Variants in ELL observed in about 807,000 individuals in gnomAD.
ELL encodes the protein elongation factor for RNA polymerase II, also known as RNA polymerase II elongation factor ELL.
In ELL, 18 loss-of-function variants were observed where a neutral mutation model predicts 64.0. That is an observed-to-expected ratio of 0.28 (90% CI 0.19 to 0.42). The LOEUF (loss-of-function observed/expected upper bound fraction) is 0.42, where lower values mean the gene tolerates loss of function less well. Ranked by LOEUF, ELL falls within the 10% of genes least tolerant of loss-of-function variation. ELL has a pLI of 1.00. For synonymous variants in ELL, 399 were observed against 376.2 expected (o/e 1.06, Z -0.70); for missense variants, 797 against 870.4 (o/e 0.92, Z 1.06).
At chr19:18,500,384 T>C (rs1341143016) in intron 1 of ELL, among the ~76,000 whole-genome samples, 2 of 152,184 alleles carry the variant, frequency 1.3e-5, no homozygotes, top group East Asian at 1.9e-4. Context: ...TGAACCCCAC[T>C]GGGCTGTACC....
chr19:18,514,843 T>C (rs547015806), intron 1 of ELL, among the ~76,000 whole-genome samples: 2 of 152,368 alleles, frequency 1.3e-5, no homozygotes, highest in African/African-American at 4.8e-5. Context: ...TAAACAAGGC[T>C]GATGCCCCCT....
intron 4 of ELL, among the ~76,000 whole-genome samples, chr19:18,462,484 A>G (rs1465974157): frequency 6.6e-6 from 1 of 151,666 alleles, no homozygotes; most frequent in African/African-American, 2.4e-5. Context: ...TCTGGGCTCA[A>G]GCGATCCTCC....
chr19:18,458,436 A>G, intron 5 of ELL, 107 bp from the exon 6 acceptor site: 1 of 1,491,300 alleles, frequency 6.7e-7, no homozygotes, highest in East Asian at 2.3e-5. Context: ...AGACAGTGGG[A>G]GACAGACAGA....
Position 18,451,098 on chromosome 19 carries a change from C to T in ELL, c.967-123G>A, listed in dbSNP as rs374846370. On this transcript the variant is annotated intron_variant, in intron 7 of 11. Coordinates refer to ENST00000262809, the MANE Select transcript of ELL (RefSeq NM_006532.4). ...AAGGCCCACGCTGGCCACATGGGGG[C>T]GCCCGAGCACCAAGTCAGGTCCCAG... The T allele has an allele frequency of 6.5e-5, 86 of 1,321,254 alleles. No homozygotes were observed. The East Asian group carries it at 1.3e-3, about 21-fold the overall frequency. The allele number at this position is 1,321,254 out of a possible 1,614,324, so 81.8% of individuals were successfully genotyped here. A position where few individuals can be genotyped will look rare whatever the true frequency, so the allele number is the denominator to read the frequency against.
intron 10 of ELL, 71 bp downstream of exon 10, chr19:18,446,238 G>A (rs1165995666): frequency 2.9e-5 from 42 of 1,448,342 alleles, no homozygotes; most frequent in Middle Eastern, 2.5e-4. Flanking sequence ...TCGTGGTGGC[G>A]ATGGTGCGCG....
intron 1 of ELL, among the ~76,000 whole-genome samples, chr19:18,518,770 G>A (rs1383283476): frequency 1.3e-5 from 2 of 151,160 alleles, no homozygotes; most frequent in Non-Finnish European, 2.9e-5. Flanking sequence ...CAGCTTGGGC[G>A]ACAGGGCAAG....
In ELL at chr19:18,446,830, C is replaced by A. The variant is rs772971189; in HGVS notation, c.1466-16G>T. 1.2e-6 allele frequency: 2 copies of A among 1,613,876 alleles called. No individual in the cohort carries two copies. Among genetic ancestry groups the A allele is most frequent in the African/African-American group, 2.7e-5 (2 of 74,930 alleles). On this transcript the variant is annotated splice_polypyrimidine_tract_variant and intron_variant, in intron 8 of 11. Transcript: ENST00000262809. ...CCGTTTAAACCTACGAGAGCAAACA[C>A]ATACCTCCTGAGTCTGCGCCCATGG...
intron 6 of ELL, 23 bp from the exon 7 acceptor site, chr19:18,451,671 G>C (rs533654838): frequency 6.8e-7 from 1 of 1,479,706 alleles, no homozygotes; most frequent in Non-Finnish European, 8.9e-7. Flanking sequence ...GGCAGGGCTA[G>C]GTCAGAAGGT....
At chr19:18,489,417 T>C (rs926700234) in intron 1 of ELL, among the ~76,000 whole-genome samples, 2 of 152,086 alleles carry the variant, frequency 1.3e-5, no homozygotes, top group African/African-American at 2.4e-5. Flanking sequence ...ATCCCCCTCA[T>C]GTTAGCCCCT....
At chr19:18,496,344 C>T (rs1187991533) in intron 1 of ELL, among the ~76,000 whole-genome samples, 2 of 152,220 alleles carry the variant, frequency 1.3e-5, no homozygotes, top group Non-Finnish European at 2.9e-5. Context: ...TCAAGGGCTG[C>T]TGTGCAGAGA....
chr19:18,491,455 A>G (rs1315617157), intron 1 of ELL, among the ~76,000 whole-genome samples: 1 of 151,844 alleles, frequency 6.6e-6, no homozygotes, highest in Admixed American at 6.6e-5. Flanking sequence ...CCTCCAACGT[A>G]TGGGTGGGCC....
chr19:18,456,465 TCAGAGAGGTGCTCCAGGAGCTGTGCTC>T (rs935870454), intron 6 of ELL, among the ~76,000 whole-genome samples: 1 of 152,156 alleles, frequency 6.6e-6, no homozygotes, highest in African/African-American at 2.4e-5. Flanking sequence ...AGCCCTGTCC[TCAGAGAGGTGCTCCAGGAGCTGTGCTC>T]CCTTGGCACC....
At chr19:18,458,395 G>C (rs959629506) in intron 5 of ELL, 66 bp from the exon 6 acceptor site, 6 of 1,574,168 alleles carry the variant, frequency 3.8e-6, no homozygotes, top group Non-Finnish European at 5.2e-6. Context: ...AGAGAAAAAA[G>C]ATCTGATAGT....
intron 1 of ELL, among the ~76,000 whole-genome samples, chr19:18,509,599 A>AGCGCGCGCGCGCG (rs1568399753): frequency 5.2e-4 from 5 of 9,536 alleles, no homozygotes; most frequent in Non-Finnish European, 7.0e-4. Flanking sequence ...GCGCGCACAT[A>AGCGCGCGCGCGCG]CACACACACA....
intron 1 of ELL, among the ~76,000 whole-genome samples, chr19:18,508,351 A>C (rs761797048): frequency 2.0e-5 from 3 of 152,224 alleles, no homozygotes; most frequent in Non-Finnish European, 2.9e-5. Context: ...AATACAATAC[A>C]AGAGTCAGCA....
At chr19:18,486,653 C>T (rs1279494531) in intron 1 of ELL, among the ~76,000 whole-genome samples, 4 of 152,198 alleles carry the variant, frequency 2.6e-5, no homozygotes, top group South Asian at 4.1e-4. Context: ...AGCTCCGCAC[C>T]GGACTCGGCT....
chr19:18,489,400 T>G (rs1052397899), intron 1 of ELL, among the ~76,000 whole-genome samples: 11 of 152,102 alleles, frequency 7.2e-5, no homozygotes, highest in African/African-American at 2.7e-4. Flanking sequence ...CCGCCCCGGG[T>G]GCTCCCATCC....
Position 18,445,152 on chromosome 19 carries a change from C to T in ELL, c.1749+72G>A, listed in dbSNP as rs1436773852. 3 of 1,586,876 alleles carry T rather than the reference C, an allele frequency of 1.9e-6. 1 individual carries two copies. Among genetic ancestry groups the T allele is most frequent in the African/African-American group, 2.7e-5 (2 of 74,362 alleles). ...TTGGAAGTAGCGGGCAGGGAGGCTG[C>T]CCCGGGCCCACCCTCCTCCCTCCAG... On this transcript the variant is annotated intron_variant, in intron 11 of 11. Coordinates refer to ENST00000262809, the MANE Select transcript of ELL (RefSeq NM_006532.4).
rs772428991 is a variant in ELL at position 18,461,737 on chromosome 19, G to A, written c.585C>T (p.Ala195=). The A allele has an allele frequency of 2.5e-5, 40 of 1,613,808 alleles. No individual in the cohort carries two copies. The African/African-American group carries it at 2.8e-4, about 11-fold the overall frequency. The change falls in exon 5 of 12, where the codon GCC becomes GCT. Residue 195 remains alanine (A), a synonymous_variant. Transcript: ENST00000262809. ...ASAIRKSGAS[A]VSGGSGVSQR... Reference sequence around the variant, plus strand: ...GGGACACCCCGCTGCCCCCACTCACGGCACTGGCACCACTCTTCCTGATGG... The same window carrying A: ...GGGACACCCCGCTGCCCCCACTCACAGCACTGGCACCACTCTTCCTGATGG...
Sources: gnomAD v4.1 joint callset for allele counts (sites outside exome capture counted in the v4.1 genomes callset) on GRCh38, gnomAD v4.1.1 for gene constraint, MANE v1.5 for transcripts, NCBI Gene and HGNC (gene_info 2026-07-23, HGNC 2026-07-21) for gene names.